TRHDE: variants seen among roughly 807,000 people sequenced by gnomAD.
The protein encoded by TRHDE is thyrotropin-releasing hormone-degrading ectoenzyme.
A neutral mutation model predicts 125.7 loss-of-function variants in TRHDE; 72 were observed. That is an observed-to-expected ratio of 0.57 (90% confidence interval 0.47 to 0.70). The LOEUF (loss-of-function observed/expected upper bound fraction) is 0.70, where lower values mean the gene tolerates loss of function less well. TRHDE is among the 30% of genes least tolerant of loss of function. The pLI is 0.00. For missense variants in TRHDE, 1,110 were observed against 1,327.1 expected (o/e 0.84, Z 2.54); for synonymous variants, 509 against 509.1 (o/e 1.00, Z 0.00).
intron 2 of TRHDE, among the ~76,000 whole-genome samples, chr12:72,225,253 C>A (rs968782845): frequency 2.0e-5 from 3 of 152,160 alleles, no homozygotes; most frequent in African/African-American, 7.2e-5. Flanking sequence ...ATATTTCTCT[C>A]TTTGAAGTTA....
chr12:72,457,964 C>T (rs190062348), intron 3 of TRHDE, among the ~76,000 whole-genome samples: 61 of 152,256 alleles, frequency 4.0e-4, no homozygotes, highest in Non-Finnish European at 3.7e-4. Context: ...GCTATTCAAA[C>T]CGCTAAATTG....
chr12:72,591,595 C>A (rs1871683592), intron 12 of TRHDE, among the ~76,000 whole-genome samples: 1 of 146,356 alleles, frequency 6.8e-6, no homozygotes, highest in African/African-American at 2.5e-5. Context: ...TAATATTTGC[C>A]AGTTTTTGAA....
intron 2 of TRHDE, among the ~76,000 whole-genome samples, chr12:72,127,083 CAT>C (rs1322694989): frequency 3.3e-5 from 5 of 152,124 alleles, no homozygotes; most frequent in Non-Finnish European, 2.9e-5. Flanking sequence ...AGCCAACAAA[CAT>C]ATGAAAAAAT....
intron 12 of TRHDE, among the ~76,000 whole-genome samples, chr12:72,615,708 T>C (rs1462313796): frequency 6.6e-6 from 1 of 152,080 alleles, no homozygotes. Flanking sequence ...CTATTCGAGG[T>C]CTGCATTAAA....
At chr12:72,435,013 T>C (rs1161449260) in intron 3 of TRHDE, among the ~76,000 whole-genome samples, 1 of 152,336 alleles carries the variant, frequency 6.6e-6, no homozygotes, top group East Asian at 1.9e-4. Context: ...AACTGAGGAC[T>C]GAGGCAAATT....
intron 7 of TRHDE, among the ~76,000 whole-genome samples, chr12:72,542,844 A>G (rs367888937): frequency 6.6e-6 from 1 of 150,996 alleles, no homozygotes; most frequent in East Asian, 1.9e-4. Flanking sequence ...ATTAGAAAAT[A>G]TGTTTTTCTT....
chr12:72,406,821 A>G (rs1279423143), intron 3 of TRHDE, among the ~76,000 whole-genome samples: 2 of 152,236 alleles, frequency 1.3e-5, no homozygotes, highest in East Asian at 3.8e-4. Flanking sequence ...AGCATTGCAC[A>G]GATTACTGCT....
intron 1 of TRHDE, among the ~76,000 whole-genome samples, chr12:72,283,550 CAGA>C (rs1289640664): frequency 5.3e-5 from 8 of 152,098 alleles, no homozygotes; most frequent in African/African-American, 1.9e-4. Context: ...ATATTAATTG[CAGA>C]AGAAGTCACT....
chr12:72,170,085 T>C (rs914137687), intron 2 of TRHDE, among the ~76,000 whole-genome samples: 2 of 152,172 alleles, frequency 1.3e-5, no homozygotes, highest in African/African-American at 4.8e-5. Context: ...CCAGAACGTA[T>C]CGTCTTGGTA....
chr12:72,458,521 T>C (rs1044056665), intron 3 of TRHDE, among the ~76,000 whole-genome samples: 5 of 152,032 alleles, frequency 3.3e-5, no homozygotes, highest in Non-Finnish European at 5.9e-5. Context: ...TTGGTCATGG[T>C]CTCCTCCCAT....
intron 1 of TRHDE, among the ~76,000 whole-genome samples, chr12:72,104,029 A>G (rs906349066): frequency 1.1e-4 from 17 of 152,084 alleles, no homozygotes; most frequent in African/African-American, 3.9e-4. Flanking sequence ...CATTGTCTGG[A>G]GGAGTGGTTT....
intron 2 of TRHDE, among the ~76,000 whole-genome samples, chr12:72,356,515 A>T (rs959049978): frequency 6.6e-6 from 1 of 151,428 alleles, no homozygotes; most frequent in African/African-American, 2.4e-5. Flanking sequence ...AAACCTGCAC[A>T]TGTAGCCCTG....
At chr12:72,317,298 T>C (rs1383810129) in intron 2 of TRHDE, among the ~76,000 whole-genome samples, 1 of 152,156 alleles carries the variant, frequency 6.6e-6, no homozygotes, top group East Asian at 1.9e-4. Flanking sequence ...GGTAGGGAGA[T>C]ACAAGTGGGT....
rs1592446911 is a variant in TRHDE at position 72,117,770 on chromosome 12, T to A, written n.279+12018T>A. 2.6e-5 allele frequency among the ~76,000 whole-genome samples: 4 copies of A among 152,104 alleles called. No individual in the cohort carries two copies. In the East Asian group the frequency reaches 7.7e-4, roughly 29 times the overall value. ...ATTTCTTTCACCAATATTTTATAGT[T>A]TTCATGTAGAGATATTTTACTTCTT... On this transcript the variant is annotated intron_variant and non_coding_transcript_variant, in intron 2 of 4. Coordinates refer to the TRHDE transcript ENST00000548156.
intron 3 of TRHDE, among the ~76,000 whole-genome samples, chr12:72,463,258 C>G (rs1056349308): frequency 7.2e-5 from 11 of 152,180 alleles, no homozygotes; most frequent in African/African-American, 2.7e-4. Flanking sequence ...CATTAAAACT[C>G]TTGTCTTCCA....
Position 72,120,601 on chromosome 12 carries a change from T to A in TRHDE, n.279+14849T>A, listed in dbSNP as rs180760680. Reference sequence around the variant, plus strand: ...TAATGATAACAACGCTGGTTACATATACAAACCAACTAGCAAGCAAAGAGA... The same window carrying A: ...TAATGATAACAACGCTGGTTACATAAACAAACCAACTAGCAAGCAAAGAGA... On this transcript the variant is annotated intron_variant and non_coding_transcript_variant, in intron 2 of 4. Coordinates refer to the TRHDE transcript ENST00000548156. 1.4e-3 allele frequency among the ~76,000 whole-genome samples: 210 copies of A among 151,866 alleles called. 1 individual carries two copies. Among genetic ancestry groups the A allele is most frequent in the African/African-American group, 4.6e-3 (192 of 41,444 alleles).
At chr12:72,425,939 T>TAA (rs1874165992) in intron 3 of TRHDE, among the ~76,000 whole-genome samples, 1 of 151,862 alleles carries the variant, frequency 6.6e-6, no homozygotes, top group Non-Finnish European at 1.5e-5. Flanking sequence ...TATATATATA[T>TAA]AATTACAAAA....
At chr12:72,539,101 C>T (rs1175240644) in intron 6 of TRHDE, among the ~76,000 whole-genome samples, 1 of 151,886 alleles carries the variant, frequency 6.6e-6, no homozygotes, top group African/African-American at 2.4e-5. Flanking sequence ...GAACCCTTAT[C>T]CATCCTCCAA....
At chr12:72,362,460 C>T (rs1267039202) in intron 2 of TRHDE, among the ~76,000 whole-genome samples, 11 of 150,430 alleles carry the variant, frequency 7.3e-5, no homozygotes, top group African/African-American at 2.2e-4. Context: ...ATTCTGGATA[C>T]TAGCCCTTTG....
Sources: gnomAD v4.1 joint callset for allele counts (sites outside exome capture counted in the v4.1 genomes callset) on GRCh38, gnomAD v4.1.1 for gene constraint, MANE v1.5 for transcripts, NCBI Gene and HGNC (gene_info 2026-07-23, HGNC 2026-07-21) for gene names.